The following UBN2 variants were observed in gnomAD, a reference collection of about 807,000 sequenced individuals.
UBN2 encodes ubinuclein 2, also known as ubinuclein-2.
UBN2 carries 35 observed loss-of-function variants against 120.2 expected under a neutral mutation model. The ratio of observed to expected loss-of-function variants is 0.29; its 90% CI spans 0.22 to 0.39. The LOEUF (loss-of-function observed/expected upper bound fraction) is 0.39. Among genes scored for constraint, UBN2 ranks in the 10% least tolerant of loss-of-function variants. The probability of loss-of-function intolerance (pLI) is 1.00; values close to 1 mark genes in which losing one functional copy is unlikely to be tolerated. For missense variants in UBN2, 1,693 were observed against 1,663.2 expected, an observed-to-expected ratio of 1.02 and a Z score of -0.31; for synonymous variants, 661 against 648.7, an observed-to-expected ratio of 1.02 and a Z score of -0.29.
intron 6 of UBN2, among the ~76,000 whole-genome samples, chr7:139,263,346 T>C (rs905412081): frequency 6.6e-6 from 1 of 152,212 alleles, no homozygotes; most frequent in African/African-American, 2.4e-5. Flanking sequence ...AAGTGAATTA[T>C]AGCCCTACCC....
intron 2 of UBN2, among the ~76,000 whole-genome samples, chr7:139,242,024 C>G (rs376182109): frequency 1.3e-5 from 2 of 152,030 alleles, no homozygotes; most frequent in Admixed American, 1.3e-4. Flanking sequence ...TCTTGATTTT[C>G]TTTTGTATAA....
the UBN2 span, among the ~76,000 whole-genome samples, chr7:139,316,922 G>A: frequency 6.8e-5 from 10 of 147,946 alleles, no homozygotes; most frequent in South Asian, 2.1e-4. Flanking sequence ...TTTGGTCTTC[G>A]ATGTTCCTAA....
At chr7:139,289,462 G>T (rs1455274045) in intron 15 of UBN2, among the ~76,000 whole-genome samples, 1 of 145,182 alleles carries the variant, frequency 6.9e-6, no homozygotes. Context: ...GCCCAGGCTG[G>T]AGTGCAGTGG....
At chr7:139,265,248 C>T (rs190837668) in intron 6 of UBN2, among the ~76,000 whole-genome samples, 1 of 152,138 alleles carries the variant, frequency 6.6e-6, no homozygotes, top group Non-Finnish European at 1.5e-5. Context: ...GTAATCCCAG[C>T]ACTTTGGGAG....
At chr7:139,240,853 A>G (rs1796301780) in intron 2 of UBN2, among the ~76,000 whole-genome samples, 1 of 152,212 alleles carries the variant, frequency 6.6e-6, no homozygotes, top group Non-Finnish European at 1.5e-5. Context: ...TTAAGTACCT[A>G]TTTTTACCTA....
chr7:139,271,791 G>C (rs200131975), intron 8 of UBN2, among the ~76,000 whole-genome samples: 1 of 152,068 alleles, frequency 6.6e-6, no homozygotes, highest in East Asian at 1.9e-4. Context: ...GAGTTTTTGG[G>C]TTCCTTTCAC....
Position 139,266,319 on chromosome 7 carries a change from T to C in UBN2, c.1396-14T>C. Reference sequence around the variant, plus strand: ...GCCTATTTTGATTTATTATCATCTTTCTTGTTTCTTTAGGCTGCCAAACTT... The same window carrying C: ...GCCTATTTTGATTTATTATCATCTTCCTTGTTTCTTTAGGCTGCCAAACTT... On this transcript the variant is annotated splice_polypyrimidine_tract_variant and intron_variant, in intron 6 of 17. Transcript: ENST00000473989. The C allele has an allele frequency of 1.3e-6, 2 of 1,545,956 alleles. No homozygotes were observed. The highest frequency in any genetic ancestry group is 1.8e-6 in the Non-Finnish European group (2 of 1,126,728).
chr7:139,293,734 A>T (rs1412234398), intron 16 of UBN2, 155 bp from the exon 17 acceptor site: 1 of 696,570 alleles, frequency 1.4e-6, no homozygotes, highest in African/African-American at 1.8e-5. Context: ...ATACACATAC[A>T]TTAACATAAG....
the UBN2 span, among the ~76,000 whole-genome samples, chr7:139,313,402 G>T: frequency 7.2e-5 from 11 of 152,026 alleles, no homozygotes; most frequent in Admixed American, 7.2e-4. Flanking sequence ...TTTATTGTTG[G>T]TACTAAGGAA....
chr7:139,312,848 C>G (rs987483277), downstream of UBN2, among the ~76,000 whole-genome samples: 2 of 152,164 alleles, frequency 1.3e-5, no homozygotes, highest in Non-Finnish European at 2.9e-5. Context: ...AGGGATCCAG[C>G]TTTATTTTTC....
At position 139,231,579 on chromosome 7, in the gene UBN2, C is replaced by T. The variant is rs1796010596; in HGVS notation, c.95C>T (p.Pro32Leu). Residue 32 changes from proline to leucine, a missense_variant, in exon 1 of 18, where the codon CCC (proline) becomes CTC (leucine). Coordinates refer to ENST00000473989, the MANE Select transcript of UBN2 (RefSeq NM_173569.4). ...GGGCCCGAGCGTGAGCCCGAGTACC[C>T]CCGCGAGCCCCCCCGGCTGGAGCCG... is the stretch of plus-strand genomic sequence containing the variant. Reference protein sequence around the residue: ...YPGPEREPEYPREPPRLEPQP... With the variant: ...YPGPEREPEYLREPPRLEPQP... 2 of 1,399,464 alleles carry T rather than the reference C, an allele frequency of 1.4e-6. No homozygotes were observed. Among genetic ancestry groups the T allele is most frequent in the East Asian group, 3.1e-5 (1 of 32,764 alleles). The allele number at this position is 1,399,464 out of a possible 1,614,324, so 86.7% of individuals were successfully genotyped here.
At chr7:139,261,052 T>C (rs534300176) in intron 5 of UBN2, among the ~76,000 whole-genome samples, 200 bp from the exon 6 acceptor site, 1 of 152,316 alleles carries the variant, frequency 6.6e-6, no homozygotes, top group African/African-American at 2.4e-5. Context: ...GTAATGGCCA[T>C]TTACCTATTT....
the UBN2 span, among the ~76,000 whole-genome samples, chr7:139,319,797 G>A: frequency 6.6e-6 from 1 of 151,122 alleles, no homozygotes; most frequent in African/African-American, 2.4e-5. Flanking sequence ...CAACACTCAG[G>A]CGGGTGTGGT....
chr7:139,258,512 C>G lies in UBN2; in HGVS notation c.688C>G (p.Leu230Val). Residue 230 changes from leucine to valine, a missense_variant, in exon 4 of 18, where the codon CTA becomes GTA. Leu to Val is a conservative substitution (Grantham distance 32). This residue lies in a region of UBN2 where 663 missense variants were observed against 591.2 expected (regional missense o/e 1.12). Transcript: ENST00000473989. ...GTATGATGAATTAGTTCCCGCTTCT[C>G]TAACAACAAAATATGGAGGCTTTTA... is the stretch of plus-strand genomic sequence containing the variant. Reference protein sequence around the residue: ...EAYDELVPASLTTKYGGFYIN... With the variant: ...EAYDELVPASVTTKYGGFYIN... 6.3e-7 allele frequency: 1 copy of G among 1,599,750 alleles called. No homozygotes were observed. Among genetic ancestry groups the G allele is most frequent in the South Asian group, 1.1e-5 (1 of 89,080 alleles).
chr7:139,246,363 G>A (rs941625353), intron 2 of UBN2, among the ~76,000 whole-genome samples: 11 of 152,104 alleles, frequency 7.2e-5, no homozygotes, highest in Non-Finnish European at 1.6e-4. Flanking sequence ...GTGAGACTCC[G>A]TCTCAAAAAA....
chr7:139,286,245 G>A (rs1797782624), intron 15 of UBN2, among the ~76,000 whole-genome samples: 1 of 152,054 alleles, frequency 6.6e-6, no homozygotes, highest in Admixed American at 6.6e-5. Context: ...TATATTTTTA[G>A]TAGAGATGGG....
At chr7:139,274,167 T>G in intron 11 of UBN2, 93 bp downstream of exon 11, 1 of 1,298,080 alleles carries the variant, frequency 7.7e-7, no homozygotes, top group Non-Finnish European at 1.0e-6. Context: ...GACATTGATT[T>G]TGCTAAGAAC....
chr7:139,274,572 G>C (rs1356498327), intron 11 of UBN2, among the ~76,000 whole-genome samples: 2 of 151,926 alleles, frequency 1.3e-5, no homozygotes, highest in Non-Finnish European at 2.9e-5. Flanking sequence ...AGACCAGCCT[G>C]ACCAACATGA....
At chr7:139,269,965 C>G (rs10277226) in intron 8 of UBN2, among the ~76,000 whole-genome samples, 2,560 of 152,168 alleles carry the variant, frequency 0.017, 82 homozygotes, top group African/African-American at 0.059. Flanking sequence ...GGCATCATTA[C>G]CCTGGCCATT....
Sources: allele counts gnomAD v4.1 joint callset (sites outside exome capture counted in the v4.1 genomes callset), GRCh38; gene constraint gnomAD v4.1.1; regional missense constraint gnomAD v4.1.1; transcripts MANE v1.5; gene names NCBI Gene and HGNC (gene_info 2026-07-23, HGNC 2026-07-21).